JAKMIP1: variants seen among roughly 807,000 people sequenced by gnomAD.
The protein encoded by JAKMIP1 is janus kinase and microtubule interacting protein 1, also known as janus kinase and microtubule-interacting protein 1.
JAKMIP1 carries 33 observed loss-of-function variants against 113.0 expected under a neutral mutation model. The ratio of observed to expected loss-of-function variants is 0.29; its 90% CI spans 0.22 to 0.39. JAKMIP1 has a LOEUF of 0.39. Among genes scored for constraint, JAKMIP1 ranks in the 10% least tolerant of loss-of-function variants. The probability of loss-of-function intolerance (pLI) is 1.00; values close to 1 mark genes in which losing one functional copy is unlikely to be tolerated. For missense variants in JAKMIP1, 813 were observed against 1,080.5 expected, an observed-to-expected ratio of 0.75 and a Z score of 3.47; for synonymous variants, 480 against 459.9, an observed-to-expected ratio of 1.04 and a Z score of -0.56.
chr4:6,075,673 T>A (rs1289362780), intron 8 of JAKMIP1, among the ~76,000 whole-genome samples: 1 of 152,206 alleles, frequency 6.6e-6, no homozygotes, highest in Non-Finnish European at 1.5e-5. Context: ...GTCATACAAG[T>A]ACATTTTTCC....
At chr4:6,041,577 AACC>A in intron 17 of JAKMIP1, among the ~76,000 whole-genome samples, 1 of 152,164 alleles carries the variant, frequency 6.6e-6, no homozygotes, top group East Asian at 1.9e-4. Flanking sequence ...CCCAGTGAAT[AACC>A]ACCACCACCA....
At chr4:6,027,423 G>A (rs1399355986) in intron 20 of JAKMIP1, among the ~76,000 whole-genome samples, 3 of 152,228 alleles carry the variant, frequency 2.0e-5, no homozygotes, top group East Asian at 3.8e-4. Flanking sequence ...GGCCTGGGAA[G>A]AGGGAAGGAT....
At chr4:6,102,690 A>G (rs1713246679) in intron 3 of JAKMIP1, among the ~76,000 whole-genome samples, 1 of 141,486 alleles carries the variant, frequency 7.1e-6, no homozygotes, top group Admixed American at 6.9e-5. Context: ...CCTGCAAATA[A>G]TGAGTTTCCC....
Position 6,081,594 on chromosome 4 carries a change from G to A in JAKMIP1, c.1101+15C>T, listed in dbSNP as rs1402921253. 1.2e-6 allele frequency: 2 copies of A among 1,613,896 alleles called. No homozygotes were observed. Among genetic ancestry groups the A allele is most frequent in the South Asian group, 1.1e-5 (1 of 91,030 alleles). ...AGGGAGTGTCAGGGCTGTCCCCAAGGGGTCCACAGCTCACCATTTCCACGT... is the reference window on the plus strand; with the variant it reads ...AGGGAGTGTCAGGGCTGTCCCCAAGAGGTCCACAGCTCACCATTTCCACGT... On this transcript the variant is annotated intron_variant, in intron 6 of 20. Transcript: ENST00000409021. The surrounding 1 kb of genome is among the most constrained non-coding windows in gnomAD (Gnocchi z 4.6).
chr4:6,170,262 CCACCACCACCACCAT>C (rs1724286792), intron 1 of JAKMIP1, among the ~76,000 whole-genome samples: 1 of 147,458 alleles, frequency 6.8e-6, no homozygotes, highest in Non-Finnish European at 1.5e-5. Flanking sequence ...ACCCTTCTCA[CCACCACCACCACCAT>C]CACCACCACC....
intron 1 of JAKMIP1, among the ~76,000 whole-genome samples, chr4:6,127,127 C>T (rs187693991): frequency 1.2e-4 from 18 of 152,302 alleles, no homozygotes; most frequent in East Asian, 1.9e-4. Flanking sequence ...GGACGTCATT[C>T]TCTTTCTTCT....
In JAKMIP1 at chr4:6,180,879, A is replaced by G. The variant is rs1426040790; in HGVS notation, c.-148+19374T>C. On this transcript the variant is annotated intron_variant, in intron 1 of 20. Coordinates refer to ENST00000409021, the MANE Select transcript of JAKMIP1 (RefSeq NM_001099433.2). This position sits in a 1 kb window ranked among gnomAD's most constrained non-coding sequence, Gnocchi z 4.5. ...TAGTATAAAAACTTTTTCTTTTTCA[A>G]CTGCTACTTGCTGGCTCTTGGCCAA... is the stretch of plus-strand genomic sequence containing the variant. Among the ~76,000 whole-genome samples, 5 of 152,108 alleles carry G rather than the reference A, an allele frequency of 3.3e-5. No individual in the cohort carries two copies. The highest frequency in any genetic ancestry group is 2.0e-4 in the Admixed American group (3 of 15,274).
In JAKMIP1 at chr4:6,080,343, G is replaced by T. The variant is rs200957521; in HGVS notation, c.1102-31C>A. ...GCCACAGGGAGACAGACCACCACAG[G>T]GTTACCCGCCAACAGTGTTTGTTAG... On this transcript the variant is annotated intron_variant, in intron 6 of 20. Transcript: ENST00000409021. The surrounding 1 kb of genome is among the most constrained non-coding windows in gnomAD (Gnocchi z 6.0). 6.8e-6 allele frequency: 11 copies of T among 1,608,570 alleles called. No individual in the cohort carries two copies. Among genetic ancestry groups the T allele is most frequent in the Non-Finnish European group, 9.3e-6 (11 of 1,177,100 alleles).
chr4:6,159,605 T>C (rs567188565), intron 1 of JAKMIP1, among the ~76,000 whole-genome samples: 2 of 152,344 alleles, frequency 1.3e-5, no homozygotes, highest in Admixed American at 1.3e-4. Flanking sequence ...TCAGCCTGCC[T>C]GGTAACTAAA....
intron 1 of JAKMIP1, among the ~76,000 whole-genome samples, chr4:6,170,419 G>GACTATCACCATAACCACCATC (rs140989267): frequency 8.3e-6 from 1 of 120,170 alleles, no homozygotes; most frequent in African/African-American, 3.2e-5. Context: ...CCACCACCAC[G>GACTATCACCATAACCACCATC]ACCATCACCA....
chr4:6,043,511 G>C (rs1265471736), intron 16 of JAKMIP1, among the ~76,000 whole-genome samples: 2 of 151,842 alleles, frequency 1.3e-5, no homozygotes, highest in African/African-American at 4.8e-5. Context: ...ACCACGCCCT[G>C]TGTGCCGCTG....
rs1727994567 is a variant in JAKMIP1, at chr4:6,197,700, A to G, written c.-148+2553T>C. 6.6e-6 allele frequency among the ~76,000 whole-genome samples: 1 copy of G among 152,192 alleles called. No homozygotes were observed. The highest frequency in any genetic ancestry group is 2.4e-5 in the African/African-American group (1 of 41,444). ...CCAAGGGAAGCCCCCATTTAGTTAG[A>G]AAGCCCAGCAGGGAGGCACTTGCCC... is the stretch of plus-strand genomic sequence containing the variant. On this transcript the variant is annotated intron_variant, in intron 1 of 20. Transcript: ENST00000409021. This position sits in a 1 kb window ranked among gnomAD's most constrained non-coding sequence, Gnocchi z 6.5.
In JAKMIP1 at chr4:6,194,594, C is replaced by T. The variant is rs1398353841; in HGVS notation, c.-148+5659G>A. ...TCCAGTGCTGTGGAGGGACCCGGGTCAGTCCAGGCTCCTGACTCAAAATGC... is the reference window on the plus strand; with the variant it reads ...TCCAGTGCTGTGGAGGGACCCGGGTTAGTCCAGGCTCCTGACTCAAAATGC... On this transcript the variant is annotated intron_variant, in intron 1 of 20. Coordinates refer to ENST00000409021, the MANE Select transcript of JAKMIP1 (RefSeq NM_001099433.2). This position sits in a 1 kb window ranked among gnomAD's most constrained non-coding sequence, Gnocchi z 7.4. 2.0e-5 allele frequency: 3 copies of T among 152,300 alleles called. No homozygotes were observed. The highest frequency in any genetic ancestry group is 7.2e-5 in the African/African-American group (3 of 41,456). The allele number at this position is 152,300 out of a possible 1,614,324, so 9.4% of individuals were successfully genotyped here.
At chr4:6,047,032 T>C (rs1232225317) in intron 16 of JAKMIP1, among the ~76,000 whole-genome samples, 1 of 152,212 alleles carries the variant, frequency 6.6e-6, no homozygotes, top group African/African-American at 2.4e-5. Flanking sequence ...AGGTGCTTGA[T>C]TGAACCTGAT....
At chr4:6,095,245 A>C (rs557112391) in intron 3 of JAKMIP1, among the ~76,000 whole-genome samples, 1 of 143,794 alleles carries the variant, frequency 7.0e-6, no homozygotes, top group East Asian at 2.3e-4. Flanking sequence ...GAAAGGAGCG[A>C]AGGAAAAAGG....
chr4:6,152,437 C>T (rs1721682426), intron 1 of JAKMIP1, among the ~76,000 whole-genome samples: 1 of 152,164 alleles, frequency 6.6e-6, no homozygotes, highest in South Asian at 2.1e-4. Context: ...TGCTGCTCTG[C>T]ATCCTATGAT....
Position 6,156,298 on chromosome 4 carries a change from A to C in JAKMIP1, c.-147-43301T>G, listed in dbSNP as rs1212112539. Among the ~76,000 whole-genome samples, 4 of 152,220 alleles carry C rather than the reference A, an allele frequency of 2.6e-5. No individual in the cohort carries two copies. On this transcript the variant is annotated intron_variant, in intron 1 of 20. Transcript: ENST00000409021. This position sits in a 1 kb window ranked among gnomAD's most constrained non-coding sequence, Gnocchi z 5.0. ...ATCCTAAGTTAACGTTTCTGAAATC[A>C]AGATTCATCTCACATTCAATGCCCC...
In JAKMIP1 at chr4:6,156,207, C is replaced by G. The variant is rs942876978; in HGVS notation, c.-147-43210G>C. Among the ~76,000 whole-genome samples, 1 of 152,234 alleles carries G rather than the reference C, an allele frequency of 6.6e-6. No individual in the cohort carries two copies. Among genetic ancestry groups the G allele is most frequent in the Non-Finnish European group, 1.5e-5 (1 of 68,044 alleles). On this transcript the variant is annotated intron_variant, in intron 1 of 20. Coordinates refer to ENST00000409021, the MANE Select transcript of JAKMIP1 (RefSeq NM_001099433.2). The surrounding 1 kb of genome is among the most constrained non-coding windows in gnomAD (Gnocchi z 5.0). Reference sequence around the variant, plus strand: ...CCCGGCACAGAGCCAGCCAGCCACGCGCAAAGCCAGCCCTCGGAAGTGGCC... The same window carrying G: ...CCCGGCACAGAGCCAGCCAGCCACGGGCAAAGCCAGCCCTCGGAAGTGGCC...
At chr4:6,109,602 G>C (rs192131229) in intron 2 of JAKMIP1, among the ~76,000 whole-genome samples, 8 of 151,974 alleles carry the variant, frequency 5.3e-5, no homozygotes, top group African/African-American at 9.6e-5. Flanking sequence ...GTACCCATGC[G>C]ACTTGAGGAC....
Sources: gnomAD v4.1 joint callset for allele counts (sites outside exome capture counted in the v4.1 genomes callset) on GRCh38, gnomAD v4.1.1 for gene constraint, Gnocchi (gnomAD v3.1) non-coding constraint, MANE v1.5 for transcripts, NCBI Gene and HGNC (gene_info 2026-07-23, HGNC 2026-07-21) for gene names.